DLGAP1: variants seen among roughly 807,000 people sequenced by gnomAD.
DLGAP1 encodes disks large-associated protein 1.
In DLGAP1, 11 loss-of-function variants were observed where a neutral mutation model predicts 90.8. That is an observed-to-expected ratio of 0.12 (90% confidence interval 0.08 to 0.20). The LOEUF is 0.20. Among genes scored for constraint, DLGAP1 ranks in the 10% least tolerant of loss-of-function variants. The pLI is 1.00. For synonymous variants in DLGAP1, 558 were observed against 540.7 expected, an observed-to-expected ratio of 1.03 and a Z score of -0.44; for missense variants, 1,050 against 1,333.8, an observed-to-expected ratio of 0.79 and a Z score of 3.31.
intron 3 of DLGAP1, among the ~76,000 whole-genome samples, chr18:3,890,586 T>C (rs1258797025): frequency 1.3e-5 from 2 of 152,358 alleles, no homozygotes; most frequent in Non-Finnish European, 2.9e-5. Context: ...TGGTTTTTAT[T>C]GTCTTTTAGA....
intron 1 of DLGAP1, among the ~76,000 whole-genome samples, chr18:4,276,304 A>T (rs962482876): frequency 6.6e-6 from 1 of 151,822 alleles, no homozygotes; most frequent in Non-Finnish European, 1.5e-5. Context: ...ATTATTCAGG[A>T]TCTTTTTAGA....
chr18:3,742,402 A>G lies in DLGAP1; in HGVS notation c.1283T>C (p.Leu428Ser), dbSNP rs776674800. The change falls in exon 6 of 13, where the codon TTG (leucine) becomes TCG (serine). Residue 428 changes from leucine (L) to serine (S), a missense_variant. Physicochemically the swap from Leu to Ser is moderately radical, Grantham distance 145 (BLOSUM62 -2). Transcript: ENST00000315677. ...GGAGCGGAACTTTGGTGATGTGAGC[A>G]AGCCTGCAGGGTCCAGGCTGTCCAG... is the stretch of plus-strand genomic sequence containing the variant. ...RSLDSLDPAG[L>S]LTSPKFRSRN... 1 of 1,614,148 alleles carries G rather than the reference A, an allele frequency of 6.2e-7. No homozygotes were observed. Among genetic ancestry groups the G allele is most frequent in the Non-Finnish European group, 8.5e-7 (1 of 1,180,018 alleles).
At chr18:3,629,671 C>CA (rs1393518699) in intron 7 of DLGAP1, among the ~76,000 whole-genome samples, 1 of 151,128 alleles carries the variant, frequency 6.6e-6, no homozygotes, top group Admixed American at 6.6e-5. Context: ...GACTCTGTCT[C>CA]AAAAAATAAA....
intron 1 of DLGAP1, among the ~76,000 whole-genome samples, chr18:4,327,885 CAT>C (rs893143084): frequency 1.4e-4 from 21 of 152,072 alleles, no homozygotes; most frequent in African/African-American, 5.1e-4. Flanking sequence ...ACCATGCCGA[CAT>C]GTGTCATATT....
At chr18:3,824,772 G>A (rs1423559634) in intron 4 of DLGAP1, among the ~76,000 whole-genome samples, 1 of 152,112 alleles carries the variant, frequency 6.6e-6, no homozygotes, top group Non-Finnish European at 1.5e-5. Context: ...GGGCTGTTTG[G>A]ACTTTTTATT....
chr18:3,508,982 C>T (rs80194433), intron 10 of DLGAP1, among the ~76,000 whole-genome samples: 2 of 143,732 alleles, frequency 1.4e-5, no homozygotes, highest in African/African-American at 2.6e-5. Context: ...ACAGTTGTTG[C>T]TTTTTTTTTT....
At position 3,588,363 on chromosome 18, in the gene DLGAP1, G is replaced by A. The variant is rs182856175; in HGVS notation, c.1592-6115C>T. On this transcript the variant is annotated intron_variant, in intron 7 of 12. Transcript: ENST00000315677. ...AACCCCAGCTACTCGGGAGGCTGAG[G>A]CAGGAGAATCACTTGAACCTGGGAG... is the stretch of plus-strand genomic sequence containing the variant. Among the ~76,000 whole-genome samples the A allele has an allele frequency of 1.2e-3, 186 of 152,220 alleles. 2 individuals carry two copies. Among genetic ancestry groups the A allele is most frequent in the African/African-American group, 4.1e-3 (171 of 41,548 alleles).
At chr18:3,736,914 T>C (rs866514917) in intron 6 of DLGAP1, among the ~76,000 whole-genome samples, 3 of 150,266 alleles carry the variant, frequency 2.0e-5, no homozygotes, top group Non-Finnish European at 1.5e-5. Flanking sequence ...ATCAAATAGA[T>C]GCAATAAAAA....
intron 3 of DLGAP1, among the ~76,000 whole-genome samples, chr18:3,901,426 C>G (rs74371503): frequency 0.043 from 6,488 of 152,116 alleles, 189 homozygotes; most frequent in Non-Finnish European, 0.054. Context: ...CTGCTTTACA[C>G]CCCGTCCACT....
At chr18:3,944,150 T>C (rs1242406411) in intron 3 of DLGAP1, among the ~76,000 whole-genome samples, 2 of 152,162 alleles carry the variant, frequency 1.3e-5, no homozygotes, top group African/African-American at 2.4e-5. Context: ...CGAGATGAGA[T>C]TGAAGAAAAT....
chr18:4,443,621 C>T (rs1859411232), intron 1 of DLGAP1, among the ~76,000 whole-genome samples: 1 of 152,170 alleles, frequency 6.6e-6, no homozygotes, highest in Non-Finnish European at 1.5e-5. Context: ...TGTTCAGTGT[C>T]CAAACGTATT....
At chr18:3,814,359 C>CTTT in intron 4 of DLGAP1, 86 bp from the exon 5 acceptor site, 3 of 1,018,148 alleles carry the variant, frequency 2.9e-6, no homozygotes, top group African/African-American at 1.7e-5. Context: ...TTTAACATTT[C>CTTT]TATTTTTTTT....
intron 3 of DLGAP1, among the ~76,000 whole-genome samples, chr18:3,903,048 TTAAGA>T (rs2071818378): frequency 6.6e-6 from 1 of 152,208 alleles, no homozygotes; most frequent in Non-Finnish European, 1.5e-5. Context: ...TACACTGTGT[TTAAGA>T]TATTCCTTTA....
At chr18:4,421,537 A>G (rs1457266266) in intron 1 of DLGAP1, among the ~76,000 whole-genome samples, 2 of 152,030 alleles carry the variant, frequency 1.3e-5, no homozygotes, top group Non-Finnish European at 2.9e-5. Context: ...TACTACAAGC[A>G]CTCTGTCATA....
chr18:3,529,566 C>T (rs1318210575), intron 10 of DLGAP1, among the ~76,000 whole-genome samples: 1 of 152,182 alleles, frequency 6.6e-6, no homozygotes, highest in Non-Finnish European at 1.5e-5. Context: ...TACATATTTA[C>T]TGATCCCCTG....
chr18:3,862,553 G>A (rs969024062), intron 4 of DLGAP1, among the ~76,000 whole-genome samples: 4 of 152,200 alleles, frequency 2.6e-5, no homozygotes, highest in African/African-American at 9.7e-5. Flanking sequence ...ACAGGCACGT[G>A]GAGGGGACAG....
At chr18:3,602,827 G>C (rs1404355937) in intron 7 of DLGAP1, among the ~76,000 whole-genome samples, 2 of 152,028 alleles carry the variant, frequency 1.3e-5, no homozygotes, top group Non-Finnish European at 2.9e-5. Context: ...ATTAAGTATC[G>C]ACTCTGAAAA....
chr18:3,543,272 G>A (rs951377750), intron 9 of DLGAP1, among the ~76,000 whole-genome samples: 1 of 147,344 alleles, frequency 6.8e-6, no homozygotes, highest in South Asian at 2.1e-4. Flanking sequence ...CCGCGTTCAC[G>A]CCATTCTCCT....
intron 1 of DLGAP1, among the ~76,000 whole-genome samples, chr18:4,164,851 A>T (rs541689045): frequency 5.3e-5 from 8 of 152,234 alleles, no homozygotes; most frequent in Non-Finnish European, 8.8e-5. Flanking sequence ...AATTATTTTT[A>T]AAAAAAGAAC....
Sources: gnomAD v4.1 joint callset for allele counts (sites outside exome capture counted in the v4.1 genomes callset) on GRCh38, gnomAD v4.1.1 for gene constraint, MANE v1.5 for transcripts, NCBI Gene and HGNC (gene_info 2026-07-23, HGNC 2026-07-21) for gene names.